The following FBXL7 variants were observed in gnomAD, a reference collection of about 807,000 sequenced individuals.
The protein encoded by FBXL7 is F-box and leucine rich repeat protein 7.
A neutral mutation model predicts 38.3 loss-of-function variants in FBXL7; 12 were observed. The observed-to-expected ratio is 0.31, with a 90% CI of 0.20 to 0.51. FBXL7 has a LOEUF of 0.51. Among genes scored for constraint, FBXL7 ranks in the 20% least tolerant of loss-of-function variants. FBXL7 has a pLI of 0.98. For synonymous variants in FBXL7, 297 were observed against 300.9 expected (o/e 0.99, Z 0.13); for missense variants, 567 against 676.4 (o/e 0.84, Z 1.79).
At chr5:15,655,172 T>G (rs1741833379) in intron 2 of FBXL7, among the ~76,000 whole-genome samples, 1 of 152,242 alleles carries the variant, frequency 6.6e-6, no homozygotes, top group Admixed American at 6.5e-5. Context: ...AAGGTTACAC[T>G]TCTTTCTGTG....
chr5:15,860,561 C>T (rs1050447945), intron 2 of FBXL7, among the ~76,000 whole-genome samples: 3 of 152,152 alleles, frequency 2.0e-5, no homozygotes, highest in Non-Finnish European at 4.4e-5. Context: ...TAAGCTTATG[C>T]AAATTCAGGT....
At chr5:15,504,833 C>T (rs1204049819) in intron 1 of FBXL7, among the ~76,000 whole-genome samples, 1 of 152,126 alleles carries the variant, frequency 6.6e-6, no homozygotes, top group African/African-American at 2.4e-5. Context: ...AGCTGCTCTC[C>T]CTGCCTTTTA....
At chr5:15,744,042 C>T (rs1473046122) in intron 2 of FBXL7, among the ~76,000 whole-genome samples, 2 of 152,208 alleles carry the variant, frequency 1.3e-5, no homozygotes, top group African/African-American at 2.4e-5. Flanking sequence ...TTTCTGCCTC[C>T]TAGGCCTCCA....
At chr5:15,688,641 A>G (rs1743090379) in intron 2 of FBXL7, among the ~76,000 whole-genome samples, 1 of 152,282 alleles carries the variant, frequency 6.6e-6, no homozygotes, top group South Asian at 2.1e-4. Context: ...AGGGCTCTCC[A>G]GGTAGATCAG....
intron 1 of FBXL7, among the ~76,000 whole-genome samples, chr5:15,540,713 G>A (rs1021606689): frequency 2.0e-5 from 3 of 152,082 alleles, no homozygotes; most frequent in Admixed American, 6.5e-5. Flanking sequence ...GGGAACCAGC[G>A]TGGTCAGGTT....
intron 1 of FBXL7, among the ~76,000 whole-genome samples, chr5:15,516,298 C>T (rs1239911603): frequency 6.6e-6 from 1 of 152,096 alleles, no homozygotes; most frequent in Non-Finnish European, 1.5e-5. Flanking sequence ...ATGGTATACT[C>T]GATTCAAACC....
At chr5:15,588,314 C>T (rs1180115280) in intron 1 of FBXL7, among the ~76,000 whole-genome samples, 3 of 151,932 alleles carry the variant, frequency 2.0e-5, no homozygotes, top group Non-Finnish European at 2.9e-5. Flanking sequence ...TTGTAAATTA[C>T]TGATGTGTAA....
In FBXL7 at chr5:15,939,526, C is replaced by T. The variant is rs947052386; in HGVS notation, c.*2340C>T. ...CCAGTTTCTTCTTTTCTCCCAGTCT[C>T]CTGTTCATCCATTCTGTTCTCCCTT... On this transcript the variant is annotated 3_prime_UTR_variant, in exon 4 of 4. Transcript: ENST00000504595. 1 of 152,732 alleles carries T rather than the reference C, an allele frequency of 6.5e-6. No homozygotes were observed. Among genetic ancestry groups the T allele is most frequent in the African/African-American group, 2.4e-5 (1 of 41,452 alleles). 9.5% of individuals were successfully genotyped at this position (152,732 alleles called of 1,614,324 possible). A position where few individuals can be genotyped will look rare whatever the true frequency, so the allele number is the denominator to read the frequency against.
intron 2 of FBXL7, among the ~76,000 whole-genome samples, chr5:15,673,082 G>A (rs577761054): frequency 5.9e-5 from 9 of 152,112 alleles, no homozygotes; most frequent in East Asian, 2.0e-4. Flanking sequence ...ATCCCAGGCC[G>A]AGGAAGGCTA....
At chr5:15,876,444 T>C (rs937429461) in intron 2 of FBXL7, among the ~76,000 whole-genome samples, 2 of 152,210 alleles carry the variant, frequency 1.3e-5, no homozygotes, top group East Asian at 3.8e-4. Context: ...TAGATACTTA[T>C]TATGTTGCAT....
intron 2 of FBXL7, among the ~76,000 whole-genome samples, chr5:15,926,356 A>G (rs1381534067): frequency 1.4e-5 from 2 of 148,114 alleles, no homozygotes; most frequent in East Asian, 1.9e-4. Flanking sequence ...TATTATTTAT[A>G]TAATATATAT....
At chr5:15,887,753 T>C (rs1740736658) in intron 2 of FBXL7, among the ~76,000 whole-genome samples, 1 of 152,228 alleles carries the variant, frequency 6.6e-6, no homozygotes, top group Non-Finnish European at 1.5e-5. Flanking sequence ...TTATGGAAAC[T>C]AGACAGTATC....
At chr5:15,777,032 C>T (rs1325028128) in intron 2 of FBXL7, among the ~76,000 whole-genome samples, 1 of 151,970 alleles carries the variant, frequency 6.6e-6, no homozygotes, top group Non-Finnish European at 1.5e-5. Flanking sequence ...AAGGCATTTC[C>T]AAAATAGATG....
chr5:15,874,217 C>T (rs970017383), intron 2 of FBXL7, among the ~76,000 whole-genome samples: 1 of 152,184 alleles, frequency 6.6e-6, no homozygotes, highest in Non-Finnish European at 1.5e-5. Flanking sequence ...CAAAATTCAA[C>T]AGCCCTTCAT....
At chr5:15,579,213 A>G (rs1291144344) in intron 1 of FBXL7, among the ~76,000 whole-genome samples, 2 of 152,106 alleles carry the variant, frequency 1.3e-5, no homozygotes, top group Admixed American at 6.5e-5. Flanking sequence ...GAGGTTTTCT[A>G]CCTTCTTGCT....
At chr5:15,931,303 C>T (rs773325927) in intron 3 of FBXL7, among the ~76,000 whole-genome samples, 4 of 152,144 alleles carry the variant, frequency 2.6e-5, no homozygotes, top group Non-Finnish European at 5.9e-5. Context: ...TTTGTTCAAC[C>T]AATTTTCAAA....
At chr5:15,741,408 A>AG (rs1355184952) in intron 2 of FBXL7, among the ~76,000 whole-genome samples, 1 of 152,230 alleles carries the variant, frequency 6.6e-6, no homozygotes, top group Non-Finnish European at 1.5e-5. Context: ...CTTCTAAGAT[A>AG]GTTCACATAT....
At chr5:15,689,936 G>T (rs1013070641) in intron 2 of FBXL7, among the ~76,000 whole-genome samples, 1 of 152,172 alleles carries the variant, frequency 6.6e-6, no homozygotes, top group Admixed American at 6.5e-5. Context: ...ATGTTTTGCA[G>T]CATCTTTGGC....
intron 2 of FBXL7, among the ~76,000 whole-genome samples, chr5:15,801,110 C>T (rs1040750204): frequency 6.6e-6 from 1 of 152,164 alleles, no homozygotes; most frequent in Non-Finnish European, 1.5e-5. Context: ...TTTTATTAGG[C>T]CTGCCTGTGT....
Sources: allele counts gnomAD v4.1 joint callset (sites outside exome capture counted in the v4.1 genomes callset), GRCh38; gene constraint gnomAD v4.1.1; transcripts MANE v1.5; gene names NCBI Gene and HGNC (gene_info 2026-07-23, HGNC 2026-07-21).